CLCN4: variants seen among roughly 807,000 people sequenced by gnomAD.
CLCN4 encodes the protein Cl-/H+ antiporter 4.
CLCN4 carries 1 observed loss-of-function variant against 41.7 expected under a neutral mutation model. The observed-to-expected ratio is 0.02, with a 90% CI of 0.01 to 0.11. The LOEUF is 0.11. Among genes scored for constraint, CLCN4 ranks in the 10% least tolerant of loss-of-function variants. CLCN4 has a pLI of 1.00. For synonymous variants in CLCN4, 277 were observed against 285.8 expected, an observed-to-expected ratio of 0.97 and a Z score of 0.31; for missense variants, 287 against 661.0, an observed-to-expected ratio of 0.43 and a Z score of 6.20.
intron 12 of CLCN4, among the ~76,000 whole-genome samples, chrX:10,222,410 G>A (rs1408036126): frequency 9.0e-6 from 1 of 111,527 alleles, no homozygotes; most frequent in Non-Finnish European, 1.9e-5. Context: ...ACCTAATAAA[G>A]TTTAGGCCTT....
intron 10 of CLCN4, among the ~76,000 whole-genome samples, chrX:10,213,252 C>T (rs1419987282): frequency 8.9e-6 from 1 of 111,988 alleles, no homozygotes; most frequent in South Asian, 3.7e-4. Context: ...TAGCAGAAGG[C>T]GCTTCTCCAC....
Position 10,158,481 on chromosome X carries a change from G to T in CLCN4, c.-82G>T. 1 of 297,810 alleles carries T rather than the reference G, an allele frequency of 3.4e-6. No individual in the cohort carries two copies. The allele number at this position is 297,810 out of a possible 1,213,427, so 24.5% of individuals were successfully genotyped here. On this transcript the variant is annotated 5_prime_UTR_variant, in exon 2 of 13. Coordinates refer to ENST00000380833, the MANE Select transcript of CLCN4 (RefSeq NM_001830.4). Reference sequence around the variant, plus strand: ...TGGTGATGTCACGGCGCTCGCAGCCGTCGCGCTGAAGAAAGGATGCTCGAG... The same window carrying T: ...TGGTGATGTCACGGCGCTCGCAGCCTTCGCGCTGAAGAAAGGATGCTCGAG...
At chrX:10,189,846 G>GAA (rs1286611400) in intron 4 of CLCN4, among the ~76,000 whole-genome samples, 2 of 112,424 alleles carry the variant, frequency 1.8e-5, no homozygotes, top group Non-Finnish European at 3.8e-5. Flanking sequence ...AGCGCAGTCA[G>GAA]AACCAGAATC....
chrX:10,182,283 A>C (rs1009876035), intron 2 of CLCN4, among the ~76,000 whole-genome samples: 8 of 111,975 alleles, frequency 7.1e-5, no homozygotes, highest in African/African-American at 2.3e-4. Flanking sequence ...CTGAATAACA[A>C]CTCCTTCAAA....
At chrX:10,211,039 G>A (rs1249583421) in intron 9 of CLCN4, among the ~76,000 whole-genome samples, 2 of 104,786 alleles carry the variant, frequency 1.9e-5, no homozygotes, top group African/African-American at 7.0e-5. Context: ...GCCAAGGTGG[G>A]TGGATCACTT....
chrX:10,218,895 T>G (rs892279790), intron 11 of CLCN4, among the ~76,000 whole-genome samples: 12 of 112,439 alleles, frequency 1.1e-4, no homozygotes, highest in Non-Finnish European at 1.7e-4. Flanking sequence ...TCCTGATGCC[T>G]CCTATGTGAG....
At chrX:10,216,431 T>G (rs1924707386) in intron 11 of CLCN4, among the ~76,000 whole-genome samples, 1 of 111,461 alleles carries the variant, frequency 9.0e-6, no homozygotes, top group Non-Finnish European at 1.9e-5. Context: ...CTCTCATTGC[T>G]CTGCAAATAT....
At chrX:10,190,525 A>G (rs1569227050) in intron 4 of CLCN4, among the ~76,000 whole-genome samples, 1 of 111,594 alleles carries the variant, frequency 9.0e-6, no homozygotes. Flanking sequence ...ACCTCATGAA[A>G]TACTAAATAT....
At chrX:10,185,213 T>C (rs756031871) in intron 3 of CLCN4, 37 bp downstream of exon 3, 5 of 1,169,503 alleles carry the variant, frequency 4.3e-6, no homozygotes, top group Non-Finnish European at 5.8e-6. Flanking sequence ...TGCAAATGGC[T>C]AAGCCATGTT....
intron 11 of CLCN4, among the ~76,000 whole-genome samples, chrX:10,217,208 T>C (rs1924748498): frequency 3.7e-5 from 4 of 109,194 alleles, no homozygotes; most frequent in South Asian, 4.0e-4. Flanking sequence ...TCAAGCAGTC[T>C]TCCTGCTTCA....
intron 11 of CLCN4, among the ~76,000 whole-genome samples, chrX:10,217,496 A>C (rs1221210568): frequency 2.7e-5 from 3 of 111,561 alleles, no homozygotes; most frequent in African/African-American, 6.5e-5. Flanking sequence ...GACATTGCCA[A>C]ATGTCCCCTG....
At chrX:10,200,661 G>T (rs6640621) in intron 6 of CLCN4, among the ~76,000 whole-genome samples, 14,055 of 111,362 alleles carry the variant, frequency 0.13, 720 homozygotes, top group South Asian at 0.27. Context: ...GAACTCAGAA[G>T]GAGTAAAATA....
At chrX:10,162,472 A>G (rs1379345742) in intron 2 of CLCN4, among the ~76,000 whole-genome samples, 1 of 112,521 alleles carries the variant, frequency 8.9e-6, no homozygotes, top group African/African-American at 3.2e-5. Flanking sequence ...GCAGCAATAG[A>G]TAGCTAATAC....
chrX:10,228,494 C>T (rs1347216435), intron 12 of CLCN4, among the ~76,000 whole-genome samples: 1 of 110,699 alleles, frequency 9.0e-6, no homozygotes, highest in African/African-American at 3.3e-5. Context: ...TAGACCTGGG[C>T]GTGATGGGAA....
intron 2 of CLCN4, among the ~76,000 whole-genome samples, chrX:10,176,995 C>T (rs1030206666): frequency 2.7e-5 from 3 of 112,625 alleles, no homozygotes; most frequent in Non-Finnish European, 5.6e-5. Flanking sequence ...GCTGATTCCT[C>T]AGTCAAATAC....
rs1235804676 is a variant in CLCN4, at chrX:10,237,297, A to G, written c.*3713A>G. ...CCAAGGAGAACTATTGAATTACCAC[A>G]TAATTGTAATATTATGCTTTAATTT... On this transcript the variant is annotated 3_prime_UTR_variant, in exon 13 of 13. Transcript: ENST00000380833. 2 of 112,545 alleles carry G rather than the reference A, an allele frequency of 1.8e-5. No homozygotes were observed. Among genetic ancestry groups the G allele is most frequent in the East Asian group, 2.8e-4 (1 of 3,591 alleles). 9.3% of individuals were successfully genotyped at this position (112,545 alleles called of 1,213,427 possible). A position where few individuals can be genotyped will look rare whatever the true frequency, so the allele number is the denominator to read the frequency against.
chrX:10,215,103 T>C (rs1382548016), intron 11 of CLCN4, among the ~76,000 whole-genome samples: 1 of 112,138 alleles, frequency 8.9e-6, no homozygotes, highest in African/African-American at 3.2e-5. Flanking sequence ...GTGGCTCCCA[T>C]GTGCACACGA....
intron 6 of CLCN4, among the ~76,000 whole-genome samples, chrX:10,202,388 G>T (rs959649377): frequency 9.0e-6 from 1 of 110,641 alleles, no homozygotes; most frequent in South Asian, 3.8e-4. Context: ...CACGAGAATC[G>T]CTTGAACCTG....
chrX:10,212,410 G>A lies in CLCN4; in HGVS notation c.1390-57G>A, dbSNP rs918544369. 8.2e-5 allele frequency: 91 copies of A among 1,111,076 alleles called. No individual in the cohort carries two copies. In the African/African-American group the frequency reaches 1.4e-3, roughly 17 times the overall value. The allele number at this position is 1,111,076 out of a possible 1,213,427, so 91.6% of individuals were successfully genotyped here. A position where few individuals can be genotyped will look rare whatever the true frequency, so the allele number is the denominator to read the frequency against. ...AGGGGGAATGTGTTTCTTGGGGGTC[G>A]TGAAGCGGGGACTTGGTCTTTTTCC... On this transcript the variant is annotated intron_variant, in intron 9 of 12. Transcript: ENST00000380833.
Sources: allele counts gnomAD v4.1 joint callset (sites outside exome capture counted in the v4.1 genomes callset), GRCh38; gene constraint gnomAD v4.1.1; transcripts MANE v1.5; gene names NCBI Gene and HGNC (gene_info 2026-07-23, HGNC 2026-07-21).